Variants in KALRN observed in about 807,000 individuals in gnomAD.
KALRN encodes kalirin.
In KALRN, 70 loss-of-function variants were observed where a neutral mutation model predicts 353.7. The ratio of observed to expected loss-of-function variants is 0.20; its 90% CI spans 0.16 to 0.24. The LOEUF is 0.24. KALRN is among the 10% of genes least tolerant of loss of function. The pLI, the probability that KALRN is intolerant of heterozygous loss-of-function variation, is 1.00. For synonymous variants in KALRN, 1,391 were observed against 1,434.8 expected (o/e 0.97, Z 0.69); for missense variants, 2,791 against 3,756.7 (o/e 0.74, Z 6.72).
intron 39 of KALRN, 95 bp from the exon 40 acceptor site, chr3:124,657,353 A>G (rs2084192444): frequency 2.5e-6 from 2 of 797,412 alleles, no homozygotes; most frequent in Non-Finnish European, 4.3e-6. Flanking sequence ...ACTCACGCAG[A>G]GAGTGTGGGC....
intron 11 of KALRN, among the ~76,000 whole-genome samples, chr3:124,386,527 A>G (rs1475265438): frequency 2.0e-5 from 3 of 152,134 alleles, no homozygotes; most frequent in Non-Finnish European, 4.4e-5. Flanking sequence ...ACACAGAGCT[A>G]GTAGGCTGGG....
intron 52 of KALRN, 39 bp downstream of exon 52, chr3:124,693,870 G>A (rs2061936529): frequency 1.4e-6 from 2 of 1,463,892 alleles, no homozygotes; most frequent in African/African-American, 1.4e-5. Flanking sequence ...CATGGGGATT[G>A]GTTAAATAAA....
intron 1 of KALRN, among the ~76,000 whole-genome samples, chr3:124,187,515 A>G (rs1287806480): frequency 2.0e-5 from 3 of 152,214 alleles, no homozygotes; most frequent in Non-Finnish European, 4.4e-5. Flanking sequence ...AGCCTCTGGT[A>G]TGAAAGGCCA....
intron 33 of KALRN, among the ~76,000 whole-genome samples, chr3:124,514,610 G>A (rs745643301): frequency 2.0e-5 from 3 of 152,048 alleles, no homozygotes; most frequent in African/African-American, 7.2e-5. Flanking sequence ...TGAGGAAAAC[G>A]TCACTCCAAG....
Position 124,678,462 on chromosome 3 carries a change from C to A in KALRN, c.7317+149C>A. The A allele has an allele frequency of 2.6e-6, 2 of 763,324 alleles. 1 individual carries two copies. Among genetic ancestry groups the A allele is most frequent in the East Asian group, 5.6e-5 (2 of 35,742 alleles). 47.3% of individuals were successfully genotyped at this position (763,324 alleles called of 1,614,324 possible). A position where few individuals can be genotyped will look rare whatever the true frequency, so the allele number is the denominator to read the frequency against. ...AAGTAGTTTAGCAGGATTTTGCATGCAAGATCAATTTATTTTTTATCTTTT... is the reference window on the plus strand; with the variant it reads ...AAGTAGTTTAGCAGGATTTTGCATGAAAGATCAATTTATTTTTTATCTTTT... On this transcript the variant is annotated intron_variant, in intron 50 of 59. Coordinates refer to ENST00000682506, the MANE Select transcript of KALRN (RefSeq NM_001388419.1).
chr3:124,442,128 C>T, intron 19 of KALRN, 69 bp downstream of exon 19: 1 of 831,248 alleles, frequency 1.2e-6, no homozygotes, highest in Non-Finnish European at 1.8e-6. Context: ...TACCATGTAC[C>T]CAGTTTTCAC....
chr3:124,708,628 C>A (rs1426751826), intron 57 of KALRN, among the ~76,000 whole-genome samples: 1 of 151,762 alleles, frequency 6.6e-6, no homozygotes, highest in Non-Finnish European at 1.5e-5. Context: ...ACCCCAGGGA[C>A]CTATGGAAAA....
rs1243667737 is a variant in KALRN at position 124,495,984 on chromosome 3, T to TAC, written c.4833-326_4833-325insCA. 5.2e-3 allele frequency among the ~76,000 whole-genome samples: 242 copies of TAC among 46,982 alleles called. 17 individuals carry two copies. Among genetic ancestry groups the TAC allele is most frequent in the African/African-American group, 9.6e-3 (74 of 7,678 alleles). 30.8% of individuals were successfully genotyped at this position (46,982 alleles called of 152,430 possible). ...ATGTATGTATATATATATATATATA[T>TAC]ATATATATATATATATATATATATA... is the stretch of plus-strand genomic sequence containing the variant. On this transcript the variant is annotated intron_variant, in intron 32 of 59. Transcript: ENST00000682506.
chr3:124,680,570 TTAGA>T (rs1244208614), intron 51 of KALRN, among the ~76,000 whole-genome samples: 1 of 152,202 alleles, frequency 6.6e-6, no homozygotes, highest in African/African-American at 2.4e-5. Flanking sequence ...TTTCACTTAA[TTAGA>T]TAGACTTTTA....
intron 53 of KALRN, 142 bp from the exon 54 acceptor site, chr3:124,695,992 G>A: frequency 2.7e-6 from 2 of 729,818 alleles, no homozygotes; most frequent in Non-Finnish European, 4.5e-6. Flanking sequence ...AAACAGGGTG[G>A]TAGGTAGCTC....
At chr3:124,364,669 T>G (rs1489517785) in intron 10 of KALRN, among the ~76,000 whole-genome samples, 1 of 152,184 alleles carries the variant, frequency 6.6e-6, no homozygotes, top group Non-Finnish European at 1.5e-5. Flanking sequence ...TTGAGAAGTG[T>G]GTGCAGATGG....
intron 16 of KALRN, among the ~76,000 whole-genome samples, chr3:124,433,111 G>A (rs2093341882): frequency 6.6e-6 from 1 of 152,112 alleles, no homozygotes; most frequent in South Asian, 2.1e-4. Flanking sequence ...AGTTGGGTTT[G>A]GCTTAACCCA....
chr3:124,545,795 T>C (rs1340789602), intron 33 of KALRN, among the ~76,000 whole-genome samples: 1 of 152,234 alleles, frequency 6.6e-6, no homozygotes, highest in Non-Finnish European at 1.5e-5. Context: ...ATGATGCTTC[T>C]TTGATGTCCT....
rs546153005 is a variant in KALRN at position 124,685,589 on chromosome 3, C to A, written c.7377+6072C>A. Among the ~76,000 whole-genome samples, 6 of 152,348 alleles carry A rather than the reference C, an allele frequency of 3.9e-5. No individual in the cohort carries two copies. The South Asian group carries it at 8.3e-4, about 21-fold the overall frequency. Reference sequence around the variant, plus strand: ...AGGGTCAGGCTCAGGCCCTCTTTTGCTGCACATCTGTTTTAGGAGGAGAAT... The same window carrying A: ...AGGGTCAGGCTCAGGCCCTCTTTTGATGCACATCTGTTTTAGGAGGAGAAT... On this transcript the variant is annotated intron_variant, in intron 51 of 59. Coordinates refer to ENST00000682506, the MANE Select transcript of KALRN (RefSeq NM_001388419.1).
intron 32 of KALRN, among the ~76,000 whole-genome samples, chr3:124,494,193 T>C (rs1264673866): frequency 6.6e-6 from 1 of 152,248 alleles, no homozygotes; most frequent in African/African-American, 2.4e-5. Flanking sequence ...CTCCCACCTT[T>C]TCTCTTGTCC....
intron 1 of KALRN, among the ~76,000 whole-genome samples, chr3:124,161,263 A>C (rs951012351): frequency 6.6e-6 from 1 of 152,224 alleles, no homozygotes; most frequent in African/African-American, 2.4e-5. Context: ...AGTTATTAAC[A>C]TTTTGTGGTG....
rs200997995 is a variant in KALRN, at chr3:124,657,488, A to G, written c.5903A>G (p.Asp1968Gly). The G allele has an allele frequency of 6.2e-7, 1 of 1,614,074 alleles. No homozygotes were observed. Among genetic ancestry groups the G allele is most frequent in the Non-Finnish European group, 8.5e-7 (1 of 1,179,936 alleles). The change falls in exon 40 of 60, where the codon GAT becomes GGT. Residue 1968 changes from aspartate to glycine, a missense_variant. Coordinates refer to ENST00000682506, the MANE Select transcript of KALRN (RefSeq NM_001388419.1). ...ATAGAAGAAAAGGGTGTCCCTGAGG[A>G]TATGCGAGGAAAGGACAAAATCGTG... is the stretch of plus-strand genomic sequence containing the variant. ...KRIEEKGVPE[D>G]MRGKDKIVFG...
intron 1 of KALRN, among the ~76,000 whole-genome samples, chr3:124,107,264 G>T (rs545634091): frequency 1.3e-4 from 20 of 152,284 alleles, no homozygotes; most frequent in African/African-American, 4.8e-4. Flanking sequence ...AAATGCCATG[G>T]CTTACTCATC....
chr3:124,324,394 A>T (rs2079658631), intron 6 of KALRN, among the ~76,000 whole-genome samples: 1 of 152,210 alleles, frequency 6.6e-6, no homozygotes, highest in African/African-American at 2.4e-5. Context: ...CTAAGTGCAG[A>T]GTGGTTTTTC....
Sources: allele counts gnomAD v4.1 joint callset (sites outside exome capture counted in the v4.1 genomes callset), GRCh38; gene constraint gnomAD v4.1.1; transcripts MANE v1.5; gene names NCBI Gene and HGNC (gene_info 2026-07-23, HGNC 2026-07-21).